The following CDH12 variants were observed in gnomAD, a reference collection of about 807,000 sequenced individuals.
CDH12 encodes the protein cadherin-12.
In CDH12, 41 loss-of-function variants were observed where a neutral mutation model predicts 74.1. The ratio of observed to expected loss-of-function variants is 0.55; its 90% confidence interval spans 0.43 to 0.72. The LOEUF is 0.72. CDH12 is among the 30% of genes least tolerant of loss of function. The probability of loss-of-function intolerance (pLI) is 0.00; values close to 1 mark genes in which losing one functional copy is unlikely to be tolerated. For missense variants in CDH12, 945 were observed against 977.2 expected (o/e 0.97, Z 0.44); for synonymous variants, 399 against 355.0 (o/e 1.12, Z -1.39).
chr5:21,895,932 G>A (rs879866889), intron 6 of CDH12, among the ~76,000 whole-genome samples: 1 of 152,158 alleles, frequency 6.6e-6, no homozygotes, highest in Non-Finnish European at 1.5e-5. Context: ...TCAGTGTGTG[G>A]CTCTTGGCTG....
intron 9 of CDH12, 26 bp from the exon 10 acceptor site, chr5:21,802,446 A>G (rs1747172682): frequency 2.5e-6 from 4 of 1,590,568 alleles, no homozygotes; most frequent in Non-Finnish European, 3.4e-6. Flanking sequence ...ATTAAGAATA[A>G]GGAGTAAATT....
At chr5:22,037,853 A>G (rs1181065285) in intron 5 of CDH12, among the ~76,000 whole-genome samples, 3 of 152,186 alleles carry the variant, frequency 2.0e-5, no homozygotes, top group African/African-American at 7.2e-5. Context: ...TATAGCCACT[A>G]GAGAATGAGA....
chr5:22,796,514 C>CTT (rs70959756), intron 1 of CDH12, among the ~76,000 whole-genome samples: 276 of 59,746 alleles, frequency 4.6e-3, no homozygotes, highest in Non-Finnish European at 5.7e-3. Context: ...GATTTTTTAT[C>CTT]TTTTTTTTTT....
chr5:22,012,426 A>G (rs1737357726), intron 5 of CDH12, among the ~76,000 whole-genome samples: 1 of 152,182 alleles, frequency 6.6e-6, no homozygotes, highest in African/African-American at 2.4e-5. Flanking sequence ...TGAGTTAAGA[A>G]AATGAAAAAG....
At position 22,800,443 on chromosome 5, in the gene CDH12, G is replaced by A. The variant is rs1046317407; in HGVS notation, c.-523+52615C>T. 5.3e-5 allele frequency among the ~76,000 whole-genome samples: 8 copies of A among 152,186 alleles called. No homozygotes were observed. In the East Asian group the frequency reaches 5.8e-4, roughly 11 times the overall value. On this transcript the variant is annotated intron_variant, in intron 1 of 14. Transcript: ENST00000382254. ...ACAGCAAAATTGAGAAGAACAGAGAGTTCTTACATACCCGTTTACCCACTA... is the reference window on the plus strand; with the variant it reads ...ACAGCAAAATTGAGAAGAACAGAGAATTCTTACATACCCGTTTACCCACTA...
intron 4 of CDH12, among the ~76,000 whole-genome samples, chr5:22,197,504 G>T (rs1467469820): frequency 6.6e-6 from 1 of 151,962 alleles, no homozygotes; most frequent in African/African-American, 2.4e-5. Flanking sequence ...TATTGGCAAG[G>T]TAGATTTTGC....
intron 1 of CDH12, among the ~76,000 whole-genome samples, chr5:22,740,691 T>C (rs1200833036): frequency 6.6e-6 from 1 of 152,128 alleles, no homozygotes; most frequent in Non-Finnish European, 1.5e-5. Context: ...TGGAATCTGT[T>C]ATTGATTCCT....
chr5:22,006,045 T>A (rs1736936863), intron 5 of CDH12, among the ~76,000 whole-genome samples: 1 of 152,194 alleles, frequency 6.6e-6, no homozygotes, highest in Non-Finnish European at 1.5e-5. Flanking sequence ...CATATTTCTT[T>A]GGCTTCTGAG....
intron 5 of CDH12, among the ~76,000 whole-genome samples, chr5:22,019,587 C>G (rs1409446132): frequency 6.6e-6 from 1 of 152,116 alleles, no homozygotes; most frequent in Non-Finnish European, 1.5e-5. Context: ...TGATGCATGG[C>G]AAGAAGATGT....
At chr5:22,187,950 T>C (rs904608282) in intron 4 of CDH12, among the ~76,000 whole-genome samples, 1 of 152,150 alleles carries the variant, frequency 6.6e-6, no homozygotes, top group Non-Finnish European at 1.5e-5. Context: ...GCGTAATTAA[T>C]GGTTCTTTGT....
intron 1 of CDH12, among the ~76,000 whole-genome samples, chr5:22,776,960 A>G (rs929384793): frequency 1.3e-5 from 2 of 152,180 alleles, no homozygotes; most frequent in Non-Finnish European, 2.9e-5. Flanking sequence ...CTAAACATGT[A>G]TACACCAAGT....
chr5:22,661,741 T>C (rs900193673), intron 1 of CDH12, among the ~76,000 whole-genome samples: 3 of 152,144 alleles, frequency 2.0e-5, no homozygotes, highest in Non-Finnish European at 2.9e-5. Context: ...ACAAGATATT[T>C]AGGCCACTCT....
chr5:22,126,009 G>T lies in CDH12; in HGVS notation c.-186-47147C>A, dbSNP rs573385747. Among the ~76,000 whole-genome samples the T allele has an allele frequency of 7.1e-3, 984 of 138,628 alleles. 15 individuals are homozygous for T. The highest frequency in any genetic ancestry group is 0.024 in the African/African-American group (932 of 39,178). 90.9% of individuals were successfully genotyped at this position (138,628 alleles called of 152,430 possible). Reference sequence around the variant, plus strand: ...TGTATTTCATTCATTTTGGGGGGGGGACAAATTCTACAAACTGCTTTAATA... The same window carrying T: ...TGTATTTCATTCATTTTGGGGGGGGTACAAATTCTACAAACTGCTTTAATA... On this transcript the variant is annotated intron_variant, in intron 4 of 14. Coordinates refer to ENST00000382254, the MANE Select transcript of CDH12 (RefSeq NM_004061.5).
At chr5:21,755,522 A>AGGAGAGAGAGGGGAAAAAAAG in intron 14 of CDH12, 69 bp downstream of exon 14, 1 of 1,369,840 alleles carries the variant, frequency 7.3e-7, no homozygotes, top group Non-Finnish European at 1.0e-6. Context: ...AGAGAGATGG[A>AGGAGAGAGAGGGGAAAAAAAG]GGAGAGAGAG....
At chr5:22,406,776 A>G (rs1202360199) in intron 2 of CDH12, among the ~76,000 whole-genome samples, 2 of 152,034 alleles carry the variant, frequency 1.3e-5, no homozygotes, top group Admixed American at 1.3e-4. Context: ...CAGATTGTTC[A>G]AAAAAAGCTC....
intron 3 of CDH12, among the ~76,000 whole-genome samples, chr5:22,278,422 A>G (rs1736732354): frequency 6.6e-6 from 1 of 152,200 alleles, no homozygotes; most frequent in African/African-American, 2.4e-5. Context: ...ACAGTGTTCA[A>G]ATGAGTATCT....
At chr5:22,552,576 C>G (rs540300733) in intron 1 of CDH12, among the ~76,000 whole-genome samples, 2 of 152,002 alleles carry the variant, frequency 1.3e-5, no homozygotes, top group Admixed American at 1.3e-4. Context: ...CTACAGGCAC[C>G]AGCCACCACA....
At chr5:22,268,277 A>T (rs1487560812) in intron 3 of CDH12, among the ~76,000 whole-genome samples, 1 of 152,112 alleles carries the variant, frequency 6.6e-6, no homozygotes, top group African/African-American at 2.4e-5. Context: ...ATGTGTGTAT[A>T]TATATGTACA....
intron 1 of CDH12, among the ~76,000 whole-genome samples, chr5:22,664,682 T>C (rs902365964): frequency 5.9e-5 from 9 of 152,302 alleles, no homozygotes; most frequent in South Asian, 4.1e-4. Flanking sequence ...TTAAATTCTC[T>C]GTTAAACCAT....
Sources: allele counts gnomAD v4.1 joint callset (sites outside exome capture counted in the v4.1 genomes callset), GRCh38; gene constraint gnomAD v4.1.1; transcripts MANE v1.5; gene names NCBI Gene and HGNC (gene_info 2026-07-23, HGNC 2026-07-21).